CD300C: variants seen among roughly 807,000 people sequenced by gnomAD.
The protein encoded by CD300C is CD300c molecule.
A neutral mutation model predicts 18.4 loss-of-function variants in CD300C; 11 were observed. That is an observed-to-expected ratio of 0.60 (90% CI 0.38 to 0.99). CD300C has a LOEUF of 0.99. CD300C is among the 50% of genes least tolerant of loss of function. The probability of loss-of-function intolerance (pLI) is 0.01; values close to 1 mark genes in which losing one functional copy is unlikely to be tolerated. For synonymous variants in CD300C, 116 were observed against 116.3 expected (o/e 1.00, Z 0.02); for missense variants, 277 against 287.4 (o/e 0.96, Z 0.26).
downstream of CD300C, among the ~76,000 whole-genome samples, chr17:74,538,990 T>C (rs547478357): frequency 9.2e-5 from 14 of 152,284 alleles, no homozygotes; most frequent in African/African-American, 2.9e-4. Flanking sequence ...TGGCTGGTTC[T>C]CCTGACATGA....
At chr17:74,537,886 G>C (rs888648588), downstream of CD300C, among the ~76,000 whole-genome samples, 4 of 152,110 alleles carry the variant, frequency 2.6e-5, no homozygotes, top group Admixed American at 2.0e-4. Context: ...GAGCCCAGGA[G>C]TTCAAATCCA....
downstream of CD300C, among the ~76,000 whole-genome samples, chr17:74,538,708 G>A (rs1908451753): frequency 1.3e-5 from 2 of 152,218 alleles, no homozygotes; most frequent in African/African-American, 4.8e-5. Context: ...CTTCAGAGGT[G>A]CAGGAATCAA....
chr17:74,541,961 C>T (rs955968542), intron 3 of CD300C, among the ~76,000 whole-genome samples: 112 of 152,286 alleles, frequency 7.4e-4, no homozygotes, highest in African/African-American at 2.6e-3. Flanking sequence ...CATGAGAGGA[C>T]GTGAGGTCAC....
intron 2 of CD300C, 138 bp downstream of exon 2, chr17:74,544,471 A>T: frequency 1.1e-6 from 1 of 870,070 alleles, no homozygotes; most frequent in Non-Finnish European, 1.8e-6. Flanking sequence ...ACTCACACTC[A>T]TCCACACACA....
chr17:74,538,383 A>AGGAGGGACCTGTGG (rs1381569858), downstream of CD300C, among the ~76,000 whole-genome samples: 1 of 152,158 alleles, frequency 6.6e-6, no homozygotes, highest in African/African-American at 2.4e-5. Context: ...GAGACTGCTG[A>AGGAGGGACCTGTGG]GGAGGGACCT....
At chr17:74,543,862 C>T (rs574995889) in intron 2 of CD300C, among the ~76,000 whole-genome samples, 1 of 152,296 alleles carries the variant, frequency 6.6e-6, no homozygotes, top group East Asian at 1.9e-4. Context: ...CAGCTCATTT[C>T]CATCCACAGG....
At chr17:74,537,162 G>C (rs896358244), downstream of CD300C, among the ~76,000 whole-genome samples, 1 of 151,922 alleles carries the variant, frequency 6.6e-6, no homozygotes, top group African/African-American at 2.4e-5. Flanking sequence ...GGGAAGACGA[G>C]AGAGAAAGGA....
At chr17:74,538,482 T>C (rs1006849807), downstream of CD300C, among the ~76,000 whole-genome samples, 1 of 152,204 alleles carries the variant, frequency 6.6e-6, no homozygotes, top group African/African-American at 2.4e-5. Flanking sequence ...GCCAAGGTAC[T>C]GTGGGCACAA....
At chr17:74,545,025 G>C (rs1358281807) in intron 1 of CD300C, 78 bp from the exon 2 acceptor site, 1 of 1,343,230 alleles carries the variant, frequency 7.4e-7, no homozygotes, top group East Asian at 2.3e-5. Flanking sequence ...GCCCCTCATG[G>C]ACCCTGGGCG....
chr17:74,535,561 G>T, the CD300C span, among the ~76,000 whole-genome samples: 8 of 150,572 alleles, frequency 5.3e-5, no homozygotes, highest in African/African-American at 1.7e-4. Context: ...ATATCAAGGA[G>T]AAAATAATAG....
At chr17:74,540,432 C>G (rs942972112), downstream of CD300C, among the ~76,000 whole-genome samples, 2 of 152,126 alleles carry the variant, frequency 1.3e-5, no homozygotes, top group Non-Finnish European at 2.9e-5. Flanking sequence ...GGAATATGGG[C>G]TCAGTGTAAA....
At chr17:74,541,799 C>T (rs1381335789) in intron 3 of CD300C, 63 bp from the exon 4 acceptor site, 2 of 1,548,322 alleles carry the variant, frequency 1.3e-6, no homozygotes, top group Non-Finnish European at 1.7e-6. Context: ...TGCCCTCCAC[C>T]ATCCCCTGAC....
At chr17:74,538,403 C>T (rs969157669), downstream of CD300C, among the ~76,000 whole-genome samples, 6 of 152,136 alleles carry the variant, frequency 3.9e-5, no homozygotes, top group Admixed American at 6.5e-5. Flanking sequence ...TGTGGGGACA[C>T]GGTGACAGGC....
chr17:74,544,157 G>C lies in CD300C; in HGVS notation c.400+452C>G, dbSNP rs527972537. On this transcript the variant is annotated intron_variant, in intron 2 of 3. Transcript: ENST00000330793. Reference sequence around the variant, plus strand: ...GAGTGAGAGGAGCCAATGATGGGGGGGTCCAATTCCCCGTGGGGAAGAGCG... The same window carrying C: ...GAGTGAGAGGAGCCAATGATGGGGGCGTCCAATTCCCCGTGGGGAAGAGCG... Among the ~76,000 whole-genome samples, 165 of 152,266 alleles carry C rather than the reference G, an allele frequency of 1.1e-3. 1 individual carries two copies. The highest frequency in any genetic ancestry group is 3.8e-3 in the African/African-American group (156 of 41,550).
chr17:74,539,092 C>T (rs1908463176), downstream of CD300C, among the ~76,000 whole-genome samples: 1 of 152,220 alleles, frequency 6.6e-6, no homozygotes, highest in Non-Finnish European at 1.5e-5. Context: ...ATCACCCCTT[C>T]TCCACCTTCT....
downstream of CD300C, among the ~76,000 whole-genome samples, chr17:74,539,392 G>C (rs542585571): frequency 2.8e-4 from 42 of 152,308 alleles, no homozygotes; most frequent in African/African-American, 9.6e-4. Context: ...CCAGTGTTCA[G>C]GTCTGACCTT....
At chr17:74,539,777 G>A (rs111979889), downstream of CD300C, among the ~76,000 whole-genome samples, 2 of 152,166 alleles carry the variant, frequency 1.3e-5, no homozygotes, top group African/African-American at 4.8e-5. Flanking sequence ...CTGGGTTATG[G>A]TGGCTTCCTT....
chr17:74,543,516 G>C (rs1653790707), intron 2 of CD300C, among the ~76,000 whole-genome samples: 1 of 152,216 alleles, frequency 6.6e-6, no homozygotes, highest in South Asian at 2.1e-4. Flanking sequence ...CAGGAAGAAA[G>C]ATCTAGAGAG....
chr17:74,545,242 GT>G (rs1908714034), intron 1 of CD300C, among the ~76,000 whole-genome samples: 1 of 151,806 alleles, frequency 6.6e-6, no homozygotes, highest in African/African-American at 2.4e-5. Flanking sequence ...GAGTGTGACT[GT>G]CTGTGTGAGT....
Sources: allele counts gnomAD v4.1 joint callset (sites outside exome capture counted in the v4.1 genomes callset), GRCh38; gene constraint gnomAD v4.1.1; transcripts MANE v1.5; gene names NCBI Gene and HGNC (gene_info 2026-07-23, HGNC 2026-07-21).